Variants in LINGO2 observed in about 807,000 individuals in gnomAD.
The protein encoded by LINGO2 is leucine rich repeat and Ig domain containing 2.
In LINGO2, 14 loss-of-function variants were observed where a neutral mutation model predicts 30.6. That is an observed-to-expected ratio of 0.46 (90% confidence interval 0.30 to 0.72). The LOEUF (loss-of-function observed/expected upper bound fraction) is 0.72, where lower values mean the gene tolerates loss of function less well. Among genes scored for constraint, LINGO2 ranks in the 30% least tolerant of loss-of-function variants. The pLI is 0.07. For missense variants in LINGO2, 729 were observed against 751.7 expected, an observed-to-expected ratio of 0.97 and a Z score of 0.35; for synonymous variants, 317 against 288.5, an observed-to-expected ratio of 1.10 and a Z score of -1.00.
chr9:28,017,893 G>A (rs1822919414), intron 4 of LINGO2, among the ~76,000 whole-genome samples: 1 of 152,034 alleles, frequency 6.6e-6, no homozygotes, highest in African/African-American at 2.4e-5. Context: ...AGCTCAAATA[G>A]CCAAGGCAAT....
intron 4 of LINGO2, among the ~76,000 whole-genome samples, chr9:28,146,465 G>A (rs964305029): frequency 2.0e-5 from 3 of 152,264 alleles, no homozygotes; most frequent in Non-Finnish European, 2.9e-5. Flanking sequence ...GGAAAGAATT[G>A]CAGCTATAGA....
the LINGO2 span, among the ~76,000 whole-genome samples, chr9:28,748,419 C>T: frequency 2.6e-5 from 4 of 151,520 alleles, no homozygotes; most frequent in Admixed American, 1.3e-4. Context: ...TAAAAAAGAA[C>T]TCATGTTCCT....
At chr9:28,446,002 A>G (rs979939568) in intron 2 of LINGO2, among the ~76,000 whole-genome samples, 1 of 152,238 alleles carries the variant, frequency 6.6e-6, no homozygotes, top group African/African-American at 2.4e-5. Context: ...TTGAGGATAT[A>G]TATCACAATT....
At chr9:28,982,249 A>G in the LINGO2 span, among the ~76,000 whole-genome samples, 1 of 152,120 alleles carries the variant, frequency 6.6e-6, no homozygotes, top group Non-Finnish European at 1.5e-5. Context: ...AACTTTAGCA[A>G]CTAAGCTAAG....
the LINGO2 span, among the ~76,000 whole-genome samples, chr9:29,145,106 G>C: frequency 6.6e-6 from 1 of 152,108 alleles, no homozygotes; most frequent in Non-Finnish European, 1.5e-5. Flanking sequence ...GGTATTTCTA[G>C]ATAATTTACA....
At chr9:28,307,019 A>G (rs564136441) in intron 3 of LINGO2, among the ~76,000 whole-genome samples, 2 of 152,260 alleles carry the variant, frequency 1.3e-5, no homozygotes, top group East Asian at 1.9e-4. Context: ...AACTGGTACC[A>G]TTCCTTCTGA....
intron 5 of LINGO2, among the ~76,000 whole-genome samples, chr9:27,996,249 A>G (rs952718664): frequency 1.1e-4 from 17 of 152,190 alleles, no homozygotes; most frequent in African/African-American, 3.9e-4. Context: ...AAAAAACTAA[A>G]ATACAACTAT....
chr9:29,070,536 G>T, the LINGO2 span, among the ~76,000 whole-genome samples: 23,108 of 152,000 alleles, frequency 0.15, 1,882 homozygotes, highest in East Asian at 0.34. Flanking sequence ...GGCTACCATC[G>T]CAGGGTAGGT....
chr9:28,149,105 CG>C (rs1014801909), intron 4 of LINGO2: 1 of 1,527,520 alleles, frequency 6.5e-7, no homozygotes, highest in Non-Finnish European at 8.8e-7. Flanking sequence ...AAGAGAAGGA[CG>C]CCTCCAGCAG....
chr9:28,384,450 C>T (rs1999424), intron 2 of LINGO2, among the ~76,000 whole-genome samples: 101,476 of 150,632 alleles, frequency 0.67, 35,956 homozygotes, highest in Non-Finnish European at 0.79. Context: ...GTTATTGATA[C>T]GTTTTGATAT....
intron 4 of LINGO2, among the ~76,000 whole-genome samples, chr9:28,062,557 C>A (rs13295039): frequency 0.029 from 2,155 of 73,410 alleles, 57 homozygotes; most frequent in African/African-American, 0.086. Flanking sequence ...ATTGTATATA[C>A]ATATATAGTA....
chr9:28,018,011 C>A (rs1454473345), intron 4 of LINGO2, among the ~76,000 whole-genome samples: 1 of 152,022 alleles, frequency 6.6e-6, no homozygotes, highest in African/African-American at 2.4e-5. Context: ...GAAACAGACC[C>A]ATAGACCAAT....
chr9:28,078,966 C>T (rs1398804229), intron 4 of LINGO2, among the ~76,000 whole-genome samples: 1 of 148,702 alleles, frequency 6.7e-6, no homozygotes, highest in Admixed American at 6.6e-5. Context: ...GGGTGCAATG[C>T]CTTTACAGTT....
At chr9:28,245,356 G>T (rs10812764) in intron 4 of LINGO2, among the ~76,000 whole-genome samples, 33,105 of 151,982 alleles carry the variant, frequency 0.22, 3,871 homozygotes, top group East Asian at 0.27. Context: ...ATACTAAATG[G>T]GCTAAAGCTG....
At chr9:28,822,444 G>A in the LINGO2 span, among the ~76,000 whole-genome samples, 1 of 152,192 alleles carries the variant, frequency 6.6e-6, no homozygotes. Flanking sequence ...ATGGATTGAA[G>A]GATGCAAAGT....
chr9:29,017,901 G>A, the LINGO2 span, among the ~76,000 whole-genome samples: 5 of 151,798 alleles, frequency 3.3e-5, no homozygotes, highest in Admixed American at 6.6e-5. Context: ...GTCAGCCCCA[G>A]TAGAGGCCAC....
intron 4 of LINGO2, among the ~76,000 whole-genome samples, chr9:28,199,391 T>G (rs1323976365): frequency 7.1e-6 from 1 of 141,712 alleles, no homozygotes; most frequent in African/African-American, 2.6e-5. Context: ...CAGGCTGGAG[T>G]GCAGTGGCGC....
the LINGO2 span, among the ~76,000 whole-genome samples, chr9:28,901,401 C>T: frequency 2.0e-5 from 3 of 152,038 alleles, no homozygotes; most frequent in South Asian, 6.2e-4. Flanking sequence ...AAAGTAAGTA[C>T]ACAAATTCAA....
At chr9:28,194,561 TAAA>T (rs555810032) in intron 4 of LINGO2, among the ~76,000 whole-genome samples, 7 of 114,498 alleles carry the variant, frequency 6.1e-5, no homozygotes, top group Admixed American at 1.8e-4. Context: ...CTCTCTATCC[TAAA>T]AAAAAAAAAA....
Sources: allele counts gnomAD v4.1 joint callset (sites outside exome capture counted in the v4.1 genomes callset), GRCh38; gene constraint gnomAD v4.1.1; transcripts MANE v1.5; gene names NCBI Gene and HGNC (gene_info 2026-07-23, HGNC 2026-07-21).